XRCC5: variants seen among roughly 807,000 people sequenced by gnomAD.
XRCC5 encodes DNA repair protein Ku80.
Under a neutral mutation model 95.7 loss-of-function variants are expected in XRCC5, and 12 were observed. The ratio of observed to expected loss-of-function variants is 0.13; its 90% CI spans 0.08 to 0.20. XRCC5 has a LOEUF of 0.20. XRCC5 is among the 10% of genes least tolerant of loss of function. XRCC5 has a pLI of 1.00. For synonymous variants in XRCC5, 281 were observed against 290.3 expected (o/e 0.97, Z 0.33); for missense variants, 595 against 873.9 (o/e 0.68, Z 4.02).
chr2:216,196,298 A>AT (rs1015486401), intron 19 of XRCC5, among the ~76,000 whole-genome samples: 6 of 151,790 alleles, frequency 4.0e-5, no homozygotes, highest in Middle Eastern at 3.5e-3. Flanking sequence ...TAAGATGGTG[A>AT]TTATATCTCA....
intron 14 of XRCC5, among the ~76,000 whole-genome samples, chr2:216,151,757 G>GTAATAT (rs1465335031): frequency 6.6e-6 from 1 of 152,176 alleles, no homozygotes; most frequent in African/African-American, 2.4e-5. Flanking sequence ...AAAAATCCTA[G>GTAATAT]TAATATGCCT....
chr2:216,138,449 T>C (rs1360104975), intron 12 of XRCC5, among the ~76,000 whole-genome samples: 2 of 152,230 alleles, frequency 1.3e-5, no homozygotes, highest in African/African-American at 4.8e-5. Flanking sequence ...TGGATGTCCA[T>C]CTCTAGTTGT....
At chr2:216,150,666 C>G (rs368540077) in intron 14 of XRCC5, among the ~76,000 whole-genome samples, 73 of 152,104 alleles carry the variant, frequency 4.8e-4, no homozygotes, top group African/African-American at 1.7e-3. Flanking sequence ...GGCAGATAAC[C>G]GAGGTCAGGA....
chr2:216,205,413 G>A lies in XRCC5; in HGVS notation c.*211G>A, dbSNP rs1689925897. The A allele has an allele frequency of 1.8e-6, 1 of 565,610 alleles. No homozygotes were observed. The highest frequency in any genetic ancestry group is 1.9e-5 in the African/African-American group (1 of 52,790). 35.0% of individuals were successfully genotyped at this position (565,610 alleles called of 1,614,324 possible). ...TTTAGACCCCATACAAGTTTATAAA[G>A]AGTCATTGTTATTTTCTGGTTGGTG... On this transcript the variant is annotated 3_prime_UTR_variant, in exon 21 of 21. Coordinates refer to ENST00000392132, the MANE Select transcript of XRCC5 (RefSeq NM_021141.4).
At chr2:216,129,639 T>C (rs41299802) in intron 8 of XRCC5, among the ~76,000 whole-genome samples, 171 of 152,330 alleles carry the variant, frequency 1.1e-3, no homozygotes, top group African/African-American at 3.9e-3. Flanking sequence ...TTTGGTTTTG[T>C]CACTAGCTTT....
At position 216,190,305 on chromosome 2, in the gene XRCC5, A is replaced by T; in HGVS notation, c.1915A>T (p.Ile639Phe). Residue 639 changes from isoleucine (I) to phenylalanine (F), a missense_variant, in exon 17 of 21, where the codon ATC becomes TTC. Transcript: ENST00000392132. ...TPYFMKSIDCIRAFREEAIKF... is the reference protein window; with the variant it reads ...TPYFMKSIDCFRAFREEAIKF... ...GTATTTTATGAAGAGCATAGACTGC[A>T]TCCGAGCCTTCCGGGAAGAAGCCAT... is the stretch of plus-strand genomic sequence containing the variant. 1.2e-6 allele frequency: 2 copies of T among 1,613,920 alleles called. No individual in the cohort carries two copies. The highest frequency in any genetic ancestry group is 2.2e-5 in the South Asian group (2 of 91,042).
At chr2:216,149,178 C>T (rs994208715) in intron 14 of XRCC5, among the ~76,000 whole-genome samples, 9 of 151,844 alleles carry the variant, frequency 5.9e-5, no homozygotes, top group Admixed American at 2.0e-4. Flanking sequence ...GAGTAATTTC[C>T]GGAAGTCTTC....
chr2:216,122,977 C>T (rs1696837876), intron 6 of XRCC5, among the ~76,000 whole-genome samples: 1 of 152,122 alleles, frequency 6.6e-6, no homozygotes, highest in South Asian at 2.1e-4. Flanking sequence ...GAGCAAAGAA[C>T]CTAAGAAGAA....
chr2:216,204,035 T>C (rs1177200088), intron 19 of XRCC5: 1 of 393,938 alleles, frequency 2.5e-6, no homozygotes, highest in East Asian at 5.0e-5. Flanking sequence ...ACCATGCTTA[T>C]ACAGGACACT....
At chr2:216,128,696 T>TA (rs777602871) in intron 8 of XRCC5, among the ~76,000 whole-genome samples, 20 of 152,216 alleles carry the variant, frequency 1.3e-4, no homozygotes, top group Non-Finnish European at 2.4e-4. Flanking sequence ...TTCTCAGAGA[T>TA]ACTAAGTAGT....
At chr2:216,168,271 G>C (rs1382963891) in intron 16 of XRCC5, among the ~76,000 whole-genome samples, 1 of 152,196 alleles carries the variant, frequency 6.6e-6, no homozygotes, top group African/African-American at 2.4e-5. Flanking sequence ...AAATTCCAGA[G>C]AGCCAATTCT....
intron 19 of XRCC5, among the ~76,000 whole-genome samples, chr2:216,202,199 A>G (rs1047211645): frequency 6.6e-6 from 1 of 152,196 alleles, no homozygotes; most frequent in African/African-American, 2.4e-5. Context: ...GATACCAGTC[A>G]TTTGTGGCCC....
intron 11 of XRCC5, 58 bp downstream of exon 11, chr2:216,137,283 G>T: frequency 6.5e-7 from 1 of 1,543,376 alleles, no homozygotes. Flanking sequence ...TCTAAGCAGT[G>T]TTTCTCAGCT....
At chr2:216,150,554 C>T (rs1240727436) in intron 14 of XRCC5, among the ~76,000 whole-genome samples, 1 of 152,094 alleles carries the variant, frequency 6.6e-6, no homozygotes, top group Non-Finnish European at 1.5e-5. Flanking sequence ...GGTACAAACC[C>T]GTGCAGTGTG....
chr2:216,109,720 C>T (rs1274063697), intron 1 of XRCC5, among the ~76,000 whole-genome samples: 1 of 148,054 alleles, frequency 6.8e-6, no homozygotes, highest in Non-Finnish European at 1.5e-5. Flanking sequence ...TCCCTCTCTA[C>T]CTGCTCTTTG....
chr2:216,117,956 T>G (rs926227582), intron 4 of XRCC5, among the ~76,000 whole-genome samples, 162 bp downstream of exon 4: 3 of 152,106 alleles, frequency 2.0e-5, no homozygotes, highest in Non-Finnish European at 4.4e-5. Context: ...ACCTCTCTGT[T>G]TTTTAAAAGT....
chr2:216,157,549 A>G (rs1688870222), intron 14 of XRCC5, among the ~76,000 whole-genome samples: 1 of 131,340 alleles, frequency 7.6e-6, no homozygotes, highest in Admixed American at 7.2e-5. Context: ...ACTATTTTCT[A>G]TCCTCTGAAA....
chr2:216,111,624 A>G (rs1195102726), intron 1 of XRCC5, among the ~76,000 whole-genome samples: 2 of 152,100 alleles, frequency 1.3e-5, no homozygotes, highest in Admixed American at 1.3e-4. Context: ...TCTTTACATC[A>G]TGTATTCTTC....
intron 13 of XRCC5, among the ~76,000 whole-genome samples, chr2:216,142,934 C>T (rs1042785675): frequency 9.2e-5 from 14 of 152,318 alleles, no homozygotes; most frequent in African/African-American, 3.1e-4. Context: ...GATGGGGATA[C>T]ACGCCTATAA....
Sources: allele counts gnomAD v4.1 joint callset (sites outside exome capture counted in the v4.1 genomes callset), GRCh38; gene constraint gnomAD v4.1.1; transcripts MANE v1.5; gene names NCBI Gene and HGNC (gene_info 2026-07-23, HGNC 2026-07-21).